The following CDH18 variants were observed in gnomAD, a reference collection of about 807,000 sequenced individuals.
CDH18 encodes cadherin-18.
In CDH18, 31 loss-of-function variants were observed where a neutral mutation model predicts 67.9. The observed-to-expected ratio is 0.46, with a 90% CI of 0.34 to 0.62. The LOEUF (loss-of-function observed/expected upper bound fraction) is 0.62, where lower values mean the gene tolerates loss of function less well. Among genes scored for constraint, CDH18 ranks in the 20% least tolerant of loss-of-function variants. The pLI is 0.01. For synonymous variants in CDH18, 362 were observed against 347.2 expected (o/e 1.04, Z -0.48); for missense variants, 890 against 975.5 (o/e 0.91, Z 1.17).
intron 1 of CDH18, among the ~76,000 whole-genome samples, chr5:20,275,456 C>T (rs1338999709): frequency 6.6e-6 from 1 of 152,120 alleles, no homozygotes; most frequent in African/African-American, 2.4e-5. Context: ...GTCAGGTAAA[C>T]CTCTTTTCTT....
chr5:20,493,541 G>A (rs1376120195), intron 1 of CDH18, among the ~76,000 whole-genome samples: 2 of 151,988 alleles, frequency 1.3e-5, no homozygotes, highest in Non-Finnish European at 2.9e-5. Flanking sequence ...AGACCCCAAG[G>A]CAGGTGGGGT....
intron 2 of CDH18, among the ~76,000 whole-genome samples, chr5:19,854,876 T>TC (rs1561448234): frequency 6.9e-6 from 1 of 145,096 alleles, no homozygotes; most frequent in Non-Finnish European, 1.5e-5. Context: ...TTTATCCCCC[T>TC]CCCCCCACTA....
intron 1 of CDH18, among the ~76,000 whole-genome samples, chr5:20,268,157 A>G (rs1745179524): frequency 6.6e-6 from 1 of 152,112 alleles, no homozygotes; most frequent in African/African-American, 2.4e-5. Flanking sequence ...ATAGTATTCC[A>G]TTGTGTATAC....
At chr5:19,869,225 A>G (rs187486558) in intron 2 of CDH18, among the ~76,000 whole-genome samples, 14 of 152,284 alleles carry the variant, frequency 9.2e-5, no homozygotes, top group African/African-American at 2.9e-4. Context: ...ATGTTTAAGG[A>G]GTAAACACAT....
intron 3 of CDH18, among the ~76,000 whole-genome samples, chr5:19,826,269 G>A (rs75131861): frequency 9.0e-4 from 137 of 152,246 alleles, no homozygotes; most frequent in East Asian, 2.7e-3. Flanking sequence ...CTCGCTGAAA[G>A]AGAGGAAGAG....
At chr5:20,532,661 T>A (rs563111195) in intron 1 of CDH18, among the ~76,000 whole-genome samples, 1 of 152,194 alleles carries the variant, frequency 6.6e-6, no homozygotes, top group Admixed American at 6.6e-5. Flanking sequence ...AGTATACCTC[T>A]AATATTTGGT....
At chr5:19,881,814 CT>C (rs1561499574) in intron 2 of CDH18, among the ~76,000 whole-genome samples, 1 of 152,026 alleles carries the variant, frequency 6.6e-6, no homozygotes, top group Non-Finnish European at 1.5e-5. Flanking sequence ...CCTCAAATGC[CT>C]TTTGAATTAC....
Position 20,389,075 on chromosome 5 carries a change from G to A in CDH18, c.-579-133570C>T, listed in dbSNP as rs184844618. Among the ~76,000 whole-genome samples, 139 of 152,192 alleles carry A rather than the reference G, an allele frequency of 9.1e-4. 1 individual carries two copies. Among genetic ancestry groups the A allele is most frequent in the African/African-American group, 3.2e-3 (134 of 41,518 alleles). On this transcript the variant is annotated intron_variant, in intron 1 of 14. Coordinates refer to the CDH18 transcript ENST00000507958. ...TGTAGATGTCTATTAGGTCTGCTTG[G>A]TACAGAGCTGAGTTCAATTCCTGGA...
intron 3 of CDH18, among the ~76,000 whole-genome samples, chr5:19,796,041 CAAAACAGAGAGA>C (rs1776820393): frequency 6.6e-6 from 1 of 151,796 alleles, no homozygotes; most frequent in African/African-American, 2.4e-5. Flanking sequence ...ACCCAATCTG[CAAAACAGAGAGA>C]AAAACTGTCT....
chr5:19,759,372 T>G (rs1772040364), intron 3 of CDH18, among the ~76,000 whole-genome samples: 1 of 152,170 alleles, frequency 6.6e-6, no homozygotes, highest in East Asian at 1.9e-4. Flanking sequence ...ACTATTTTTA[T>G]AGGTAGAGGC....
chr5:20,049,979 A>T (rs1435975), intron 2 of CDH18, among the ~76,000 whole-genome samples: 3 of 151,608 alleles, frequency 2.0e-5, no homozygotes, highest in Non-Finnish European at 4.4e-5. Flanking sequence ...ATATAGTGAC[A>T]ATGATTAAAA....
At chr5:19,483,114 T>G (rs1177026285) in intron 12 of CDH18, among the ~76,000 whole-genome samples, 187 bp downstream of exon 12, 1 of 152,250 alleles carries the variant, frequency 6.6e-6, no homozygotes, top group Non-Finnish European at 1.5e-5. Context: ...GTTATTTCAG[T>G]TCTTCCAACA....
At chr5:20,313,491 A>T (rs547916710) in intron 1 of CDH18, among the ~76,000 whole-genome samples, 1 of 152,228 alleles carries the variant, frequency 6.6e-6, no homozygotes, top group South Asian at 2.1e-4. Context: ...TTAAAAATAC[A>T]CTCAATAAAG....
intron 2 of CDH18, among the ~76,000 whole-genome samples, chr5:20,189,319 A>G (rs1375230594): frequency 6.6e-6 from 1 of 152,022 alleles, no homozygotes; most frequent in Non-Finnish European, 1.5e-5. Context: ...GCAACAATTT[A>G]GATGTGGATG....
chr5:19,575,462 T>C (rs572431436), intron 7 of CDH18, among the ~76,000 whole-genome samples: 28 of 152,334 alleles, frequency 1.8e-4, no homozygotes, highest in African/African-American at 6.7e-4. Context: ...CAAAAATGTA[T>C]GATGACATAT....
In CDH18 at chr5:20,410,756, A is replaced by G. The variant is rs115599653; in HGVS notation, c.-579-155251T>C. Among the ~76,000 whole-genome samples the G allele has an allele frequency of 2.9e-3, 438 of 151,994 alleles. 5 individuals carry two copies. Among genetic ancestry groups the G allele is most frequent in the African/African-American group, 9.8e-3 (406 of 41,566 alleles). On this transcript the variant is annotated intron_variant, in intron 1 of 14. Transcript: ENST00000507958. ...CCATGATTTTATATGTAGAAACGTTAAAGTCTCCATTTAAAATAAAAAAGC... is the reference window on the plus strand; with the variant it reads ...CCATGATTTTATATGTAGAAACGTTGAAGTCTCCATTTAAAATAAAAAAGC...
intron 3 of CDH18, among the ~76,000 whole-genome samples, chr5:19,754,257 T>C (rs1771234288): frequency 6.6e-6 from 1 of 152,084 alleles, no homozygotes; most frequent in African/African-American, 2.4e-5. Flanking sequence ...TCTGTTGCCT[T>C]CAAGAGACTC....
At chr5:20,493,943 A>C (rs1301381281) in intron 1 of CDH18, among the ~76,000 whole-genome samples, 2 of 150,324 alleles carry the variant, frequency 1.3e-5, no homozygotes, top group East Asian at 3.9e-4. Flanking sequence ...ACAAAAACAA[A>C]AACAGCAAAA....
At position 19,972,341 on chromosome 5, in the gene CDH18, C is replaced by A. The variant is rs188290890; in HGVS notation, c.-257+8719G>T. Among the ~76,000 whole-genome samples, 247 of 152,066 alleles carry A rather than the reference C, an allele frequency of 1.6e-3. 2 individuals are homozygous for A. The highest frequency in any genetic ancestry group is 5.6e-3 in the African/African-American group (231 of 41,524). ...TTAAAGTAAATCAAGAAAATGTTCACTAAATGTCAAAATTACTAAGTCTAT... is the reference window on the plus strand; with the variant it reads ...TTAAAGTAAATCAAGAAAATGTTCAATAAATGTCAAAATTACTAAGTCTAT... On this transcript the variant is annotated intron_variant, in intron 2 of 12. Coordinates refer to ENST00000382275, the MANE Select transcript of CDH18 (RefSeq NM_004934.5).
Sources: allele counts gnomAD v4.1 joint callset (sites outside exome capture counted in the v4.1 genomes callset), GRCh38; gene constraint gnomAD v4.1.1; transcripts MANE v1.5; gene names NCBI Gene and HGNC (gene_info 2026-07-23, HGNC 2026-07-21).